The following PPEF1 variants were observed in gnomAD, a reference collection of about 807,000 sequenced individuals.
PPEF1 encodes the protein serine/threonine-protein phosphatase with EF-hands 1.
In PPEF1, 12 loss-of-function variants were observed where a neutral mutation model predicts 53.3. That is an observed-to-expected ratio of 0.23 (90% CI 0.14 to 0.36). The LOEUF is 0.36. PPEF1 is among the 10% of genes least tolerant of loss of function. PPEF1 has a pLI of 1.00. For missense variants in PPEF1, 334 were observed against 490.4 expected, an observed-to-expected ratio of 0.68 and a Z score of 3.01; for synonymous variants, 165 against 176.7, an observed-to-expected ratio of 0.93 and a Z score of 0.52.
upstream of PPEF1, among the ~76,000 whole-genome samples, chrX:18,703,686 T>G (rs940262272): frequency 8.9e-6 from 1 of 111,856 alleles, no homozygotes; most frequent in African/African-American, 3.3e-5. Flanking sequence ...ATACTCAAGT[T>G]TGATGCTTTT....
chrX:18,675,278 C>T (rs976175245), upstream of PPEF1, among the ~76,000 whole-genome samples: 1 of 113,582 alleles, frequency 8.8e-6, no homozygotes, highest in African/African-American at 3.2e-5. Flanking sequence ...GGAAGTGCAC[C>T]CTGCTCGGGC....
chrX:18,692,237 C>T lies in PPEF1; in HGVS notation c.-313+1143C>T, dbSNP rs969492619. 6.2e-5 allele frequency among the ~76,000 whole-genome samples: 7 copies of T among 112,144 alleles called. No homozygotes were observed. In the South Asian group the frequency reaches 2.2e-3, roughly 36 times the overall value. ...GAAATTTAGCACACTGCTGACTGAA[C>T]TCACGATTTTTCTCCACCATAAACT... On this transcript the variant is annotated intron_variant, in intron 4 of 21. Coordinates refer to the PPEF1 transcript ENST00000361511.
intron 10 of PPEF1, among the ~76,000 whole-genome samples, chrX:18,802,902 T>C (rs2046575842): frequency 8.9e-6 from 1 of 112,456 alleles, no homozygotes; most frequent in African/African-American, 3.2e-5. Flanking sequence ...ATTGCTGTAT[T>C]GGTTATTCAT....
intron 3 of PPEF1, among the ~76,000 whole-genome samples, chrX:18,743,818 T>G (rs1291585362): frequency 1.8e-5 from 2 of 110,808 alleles, no homozygotes; most frequent in Non-Finnish European, 3.8e-5. Flanking sequence ...CTGTTCAGGT[T>G]TTTTTGTCCA....
intron 1 of PPEF1, among the ~76,000 whole-genome samples, chrX:18,713,398 T>TTCAGAGTA (rs2044369456): frequency 9.4e-6 from 1 of 106,263 alleles, no homozygotes. Flanking sequence ...CATATACTTG[T>TTCAGAGTA]TCAGAGTATT....
intron 3 of PPEF1, among the ~76,000 whole-genome samples, chrX:18,734,128 T>TTTTTTA (rs575770698): frequency 1.7e-4 from 18 of 106,115 alleles, no homozygotes; most frequent in African/African-American, 3.1e-4. Context: ...GGGAACCTTA[T>TTTTTTA]TTATTATTAT....
intron 3 of PPEF1, among the ~76,000 whole-genome samples, chrX:18,745,403 G>T (rs1327888285): frequency 1.9e-5 from 2 of 105,610 alleles, no homozygotes; most frequent in African/African-American, 6.9e-5. Flanking sequence ...TTTTGTAGGG[G>T]TTTTGCCATG....
intron 12 of PPEF1, among the ~76,000 whole-genome samples, chrX:18,813,260 T>A (rs2046842947): frequency 9.4e-6 from 1 of 106,869 alleles, no homozygotes; most frequent in South Asian, 4.2e-4. Flanking sequence ...ACGCCTGTAG[T>A]CCCAGCTACT....
upstream of PPEF1, among the ~76,000 whole-genome samples, chrX:18,704,588 A>G (rs2044157627): frequency 8.9e-6 from 1 of 111,780 alleles, no homozygotes; most frequent in African/African-American, 3.3e-5. Context: ...GCTAGAAGCC[A>G]CAGACTTGAT....
At chrX:18,817,072 G>A (rs972971270) in intron 12 of PPEF1, among the ~76,000 whole-genome samples, 4 of 77,020 alleles carry the variant, frequency 5.2e-5, no homozygotes, top group Admixed American at 3.2e-4. Flanking sequence ...TTTGCCATGT[G>A]TGTGTGTGTG....
At chrX:18,799,070 T>C (rs916610726) in intron 10 of PPEF1, among the ~76,000 whole-genome samples, 9 of 111,112 alleles carry the variant, frequency 8.1e-5, no homozygotes, top group Non-Finnish European at 1.5e-4. Flanking sequence ...ACCCCGTCTC[T>C]ACTAAAAATA....
chrX:18,758,279 AT>A (rs1270181004), intron 5 of PPEF1, among the ~76,000 whole-genome samples: 1 of 111,062 alleles, frequency 9.0e-6, no homozygotes, highest in Non-Finnish European at 1.9e-5. Flanking sequence ...CTGGCAGGAT[AT>A]TGCTTCAAGA....
chrX:18,763,261 C>T (rs2045703589), intron 6 of PPEF1, among the ~76,000 whole-genome samples: 1 of 111,479 alleles, frequency 9.0e-6, no homozygotes, highest in Non-Finnish European at 1.9e-5. Context: ...TTCCTTCAGA[C>T]CCCCAATCAA....
chrX:18,736,172 A>G (rs1418408277), intron 3 of PPEF1, among the ~76,000 whole-genome samples: 4 of 111,641 alleles, frequency 3.6e-5, no homozygotes, highest in Non-Finnish European at 7.5e-5. Context: ...TATGTTGAAT[A>G]GGAGTGGTGA....
intron 6 of PPEF1, among the ~76,000 whole-genome samples, chrX:18,767,287 C>T (rs757256222): frequency 2.3e-4 from 26 of 111,476 alleles, no homozygotes; most frequent in Non-Finnish European, 5.7e-5. Flanking sequence ...TGGCTCATGC[C>T]TCTAATCCCA....
At chrX:18,761,378 G>C in intron 5 of PPEF1, 152 bp from the exon 6 acceptor site, 1 of 491,829 alleles carries the variant, frequency 2.0e-6, no homozygotes, top group East Asian at 3.5e-5. Flanking sequence ...GAAGAGTGCT[G>C]TGGAGACAAA....
chrX:18,798,916 A>G (rs988123298), intron 10 of PPEF1, among the ~76,000 whole-genome samples: 1 of 109,309 alleles, frequency 9.1e-6, no homozygotes, highest in Non-Finnish European at 1.9e-5. Flanking sequence ...GTGAGCCACC[A>G]TGTCCGGCCT....
chrX:18,733,815 A>G lies in PPEF1; in HGVS notation c.235+7A>G. 8.6e-7 allele frequency: 1 copy of G among 1,164,690 alleles called. No individual in the cohort carries two copies. Among genetic ancestry groups the G allele is most frequent in the Non-Finnish European group, 1.2e-6 (1 of 868,642 alleles). On this transcript the variant is annotated splice_region_variant and intron_variant, in intron 3 of 15. Transcript: ENST00000470157. ...ATACATAAGGAAGAGCTAGGTAAGT[A>G]AAAAGCTTAGTCTTTTCAAATGTGT...
intron 12 of PPEF1, among the ~76,000 whole-genome samples, chrX:18,815,096 A>AT (rs892481901): frequency 3.6e-5 from 4 of 111,695 alleles, no homozygotes; most frequent in African/African-American, 6.5e-5. Flanking sequence ...CATTTATTGA[A>AT]TAGGGAGTCC....
Sources: allele counts gnomAD v4.1 joint callset (sites outside exome capture counted in the v4.1 genomes callset), GRCh38; gene constraint gnomAD v4.1.1; transcripts MANE v1.5; gene names NCBI Gene and HGNC (gene_info 2026-07-23, HGNC 2026-07-21).